COBLL1: variants seen among roughly 807,000 people sequenced by gnomAD.
COBLL1 encodes cordon-bleu protein-like 1.
COBLL1 carries 50 observed loss-of-function variants against 94.8 expected under a neutral mutation model. That is an observed-to-expected ratio of 0.53 (90% confidence interval 0.42 to 0.67). COBLL1 has a LOEUF of 0.67. Among genes scored for constraint, COBLL1 ranks in the 30% least tolerant of loss-of-function variants. The pLI is 0.00. For missense variants in COBLL1, 1,362 were observed against 1,348.7 expected, an observed-to-expected ratio of 1.01 and a Z score of -0.15; for synonymous variants, 448 against 473.8, an observed-to-expected ratio of 0.95 and a Z score of 0.71.
chr2:164,730,892 G>T (rs1037879806), intron 3 of COBLL1, among the ~76,000 whole-genome samples: 2 of 152,164 alleles, frequency 1.3e-5, no homozygotes, highest in Non-Finnish European at 2.9e-5. Context: ...ATCCTAAAAG[G>T]TGTAGTACAA....
chr2:164,699,361 T>C, intron 11 of COBLL1, 44 bp downstream of exon 11: 3 of 1,240,554 alleles, frequency 2.4e-6, no homozygotes, highest in Non-Finnish European at 3.6e-6. Flanking sequence ...CCTTGGCACA[T>C]AATAAAAGTA....
At position 164,683,837 on chromosome 2, in the gene COBLL1, A is replaced by T. The variant is rs928722150; in HGVS notation, c.*2109T>A. ...CATTTGGACTGCTGTGTGGAAGTCTATCATATGAATATATGCATTACTAAA... is the reference window on the plus strand; with the variant it reads ...CATTTGGACTGCTGTGTGGAAGTCTTTCATATGAATATATGCATTACTAAA... On this transcript the variant is annotated 3_prime_UTR_variant, in exon 14 of 14. Transcript: ENST00000652658. 6.6e-6 allele frequency: 1 copy of T among 152,180 alleles called. No individual in the cohort carries two copies. Among genetic ancestry groups the T allele is most frequent in the African/African-American group, 2.4e-5 (1 of 41,456 alleles). The allele number at this position is 152,180 out of a possible 1,614,324, so 9.4% of individuals were successfully genotyped here.
chr2:164,744,784 G>A (rs1351554515), intron 2 of COBLL1, among the ~76,000 whole-genome samples: 1 of 152,098 alleles, frequency 6.6e-6, no homozygotes, highest in Non-Finnish European at 1.5e-5. Flanking sequence ...CTGCTTCAAT[G>A]AAAAACATTA....
At chr2:164,709,605 C>G (rs1005202486) in intron 7 of COBLL1, among the ~76,000 whole-genome samples, 3 of 152,086 alleles carry the variant, frequency 2.0e-5, no homozygotes, top group African/African-American at 7.2e-5. Flanking sequence ...GTAATCCCAG[C>G]TACTTGGGAG....
Position 164,702,285 on chromosome 2 carries a change from T to C in COBLL1, c.1226-1529A>G, listed in dbSNP as rs536293145. Among the ~76,000 whole-genome samples, 49 of 152,124 alleles carry C rather than the reference T, an allele frequency of 3.2e-4. 1 individual carries two copies. In the South Asian group the frequency reaches 5.4e-3, roughly 17 times the overall value. On this transcript the variant is annotated intron_variant, in intron 9 of 13. Transcript: ENST00000652658. ...TTTATATAATTTGAAAACTCTAGGC[T>C]GGGCGTGGTGGCTCACGCCTGTAAT...
intron 2 of COBLL1, among the ~76,000 whole-genome samples, chr2:164,744,477 T>C (rs1475099319): frequency 6.6e-6 from 1 of 152,024 alleles, no homozygotes; most frequent in African/African-American, 2.4e-5. Context: ...TTTTGGGGGG[T>C]ACCAGTTTCA....
intron 7 of COBLL1, among the ~76,000 whole-genome samples, chr2:164,717,791 C>T (rs1013530322): frequency 2.0e-5 from 3 of 152,150 alleles, no homozygotes; most frequent in South Asian, 2.1e-4. Flanking sequence ...CTTGAACTCC[C>T]GGCTTTTAAG....
At chr2:164,678,878 C>T (rs552655681), downstream of COBLL1, among the ~76,000 whole-genome samples, 1 of 152,236 alleles carries the variant, frequency 6.6e-6, no homozygotes, top group East Asian at 1.9e-4. Context: ...TGACCCAGCA[C>T]AGTGCCTGTT....
At chr2:164,796,902 G>A (rs1683491498) in intron 2 of COBLL1, among the ~76,000 whole-genome samples, 1 of 152,076 alleles carries the variant, frequency 6.6e-6, no homozygotes, top group Non-Finnish European at 1.5e-5. Flanking sequence ...CTGAGCCCAG[G>A]AGTTCAAGGT....
chr2:164,678,601 CAA>C (rs1682905078), downstream of COBLL1, among the ~76,000 whole-genome samples: 1 of 151,888 alleles, frequency 6.6e-6, no homozygotes, highest in South Asian at 2.1e-4. Context: ...TTGATGCATT[CAA>C]TTATGTTAAT....
intron 7 of COBLL1, among the ~76,000 whole-genome samples, chr2:164,715,484 A>G (rs1685117480): frequency 6.6e-6 from 1 of 152,130 alleles, no homozygotes; most frequent in Non-Finnish European, 1.5e-5. Flanking sequence ...TACATACTCT[A>G]TTACAACAGA....
downstream of COBLL1, among the ~76,000 whole-genome samples, chr2:164,679,298 G>T (rs1160864967): frequency 6.6e-6 from 1 of 152,052 alleles, no homozygotes; most frequent in Non-Finnish European, 1.5e-5. Context: ...CATCCATCAG[G>T]TTTCAAAATG....
chr2:164,839,319 G>A (rs773051835), intron 2 of COBLL1, among the ~76,000 whole-genome samples: 9 of 152,158 alleles, frequency 5.9e-5, no homozygotes, highest in Non-Finnish European at 7.3e-5. Context: ...GTGGCTGGGC[G>A]CACTGGCTCA....
At chr2:164,752,435 C>T (rs1687171957) in intron 2 of COBLL1, among the ~76,000 whole-genome samples, 1 of 151,820 alleles carries the variant, frequency 6.6e-6, no homozygotes, top group Non-Finnish European at 1.5e-5. Flanking sequence ...ACAAAAACAA[C>T]AAGTGAATGA....
intron 1 of COBLL1, among the ~76,000 whole-genome samples, chr2:164,671,731 T>C (rs1016311132): frequency 2.0e-5 from 3 of 152,184 alleles, no homozygotes; most frequent in African/African-American, 7.2e-5. Context: ...AAGATTTTTT[T>C]TTTTTTTTCC....
intron 2 of COBLL1, among the ~76,000 whole-genome samples, chr2:164,801,355 C>T (rs1328785702): frequency 7.3e-6 from 1 of 136,634 alleles, no homozygotes; most frequent in African/African-American, 2.7e-5. Flanking sequence ...AGGAGAATGG[C>T]GTGAACCCGG....
chr2:164,732,203 T>C (rs1036201085), intron 3 of COBLL1, among the ~76,000 whole-genome samples: 2 of 152,188 alleles, frequency 1.3e-5, no homozygotes, highest in Non-Finnish European at 2.9e-5. Context: ...TAAAAAAAAT[T>C]CTCAGGAATA....
At chr2:164,791,874 CTT>C (rs76229485) in intron 2 of COBLL1, among the ~76,000 whole-genome samples, 15 of 142,238 alleles carry the variant, frequency 1.1e-4, no homozygotes, top group Admixed American at 2.8e-4. Context: ...GTTTTTGTTG[CTT>C]TTTTTTTTTT....
chr2:164,740,446 T>C (rs1161192637), intron 3 of COBLL1, among the ~76,000 whole-genome samples: 3 of 152,136 alleles, frequency 2.0e-5, no homozygotes, highest in African/African-American at 7.2e-5. Flanking sequence ...GGAATCAGAA[T>C]TTGGGGCATT....
Sources: allele counts gnomAD v4.1 joint callset (sites outside exome capture counted in the v4.1 genomes callset), GRCh38; gene constraint gnomAD v4.1.1; transcripts MANE v1.5; gene names NCBI Gene and HGNC (gene_info 2026-07-23, HGNC 2026-07-21).